CSMD3: variants seen among roughly 807,000 people sequenced by gnomAD.
CSMD3 encodes CUB and sushi domain-containing protein 3.
In CSMD3, 177 loss-of-function variants were observed where a neutral mutation model predicts 435.2. That is an observed-to-expected ratio of 0.41 (90% CI 0.36 to 0.46). The LOEUF is 0.46. Among genes scored for constraint, CSMD3 ranks in the 20% least tolerant of loss-of-function variants. The pLI is 0.34. For missense variants in CSMD3, 4,265 were observed against 4,504.6 expected (o/e 0.95, Z 1.52); for synonymous variants, 1,656 against 1,520.5 (o/e 1.09, Z -2.07).
At chr8:112,938,968 A>G (rs1372110025) in intron 9 of CSMD3, among the ~76,000 whole-genome samples, 1 of 152,134 alleles carries the variant, frequency 6.6e-6, no homozygotes, top group Non-Finnish European at 1.5e-5. Context: ...AATACATTTA[A>G]AAAATAATGG....
chr8:112,941,007 A>G (rs2083435436), intron 9 of CSMD3, among the ~76,000 whole-genome samples: 1 of 151,820 alleles, frequency 6.6e-6, no homozygotes, highest in African/African-American at 2.4e-5. Context: ...TCTTGCACTT[A>G]GAAAAGTTTC....
chr8:112,294,343 AC>A (rs1449986057), intron 54 of CSMD3, among the ~76,000 whole-genome samples: 1 of 152,108 alleles, frequency 6.6e-6, no homozygotes, highest in Non-Finnish European at 1.5e-5. Context: ...TTTATCTGAC[AC>A]TTCCAAAATC....
chr8:113,102,547 AG>A (rs538106763), intron 4 of CSMD3, among the ~76,000 whole-genome samples: 204 of 152,300 alleles, frequency 1.3e-3, no homozygotes, highest in African/African-American at 4.8e-3. Flanking sequence ...CCTATGAAGA[AG>A]GAACATTTAG....
At chr8:112,974,498 A>G (rs1224567283) in intron 7 of CSMD3, among the ~76,000 whole-genome samples, 1 of 151,852 alleles carries the variant, frequency 6.6e-6, no homozygotes, top group African/African-American at 2.4e-5. Context: ...TTTTAATATA[A>G]TTTTACCTAT....
In CSMD3 at chr8:112,884,119, A is replaced by C. The variant is rs1387480074; in HGVS notation, c.1634-24853T>G. 3.3e-5 allele frequency among the ~76,000 whole-genome samples: 5 copies of C among 151,900 alleles called. No homozygotes were observed. In the East Asian group the frequency reaches 9.7e-4, roughly 30 times the overall value. ...GGTGTTTTAACCTGGACACAGTAAA[A>C]CAGTGCTTTAGAAGTCAAGAAACAG... On this transcript the variant is annotated intron_variant, in intron 10 of 70. Transcript: ENST00000297405.
At chr8:113,241,965 A>G (rs1408145094) in intron 3 of CSMD3, among the ~76,000 whole-genome samples, 2 of 151,274 alleles carry the variant, frequency 1.3e-5, no homozygotes, top group African/African-American at 4.8e-5. Context: ...ATATATACAC[A>G]CACAATTTTA....
intron 10 of CSMD3, among the ~76,000 whole-genome samples, chr8:112,895,527 C>T (rs947120774): frequency 6.6e-6 from 1 of 151,218 alleles, no homozygotes; most frequent in Admixed American, 6.6e-5. Context: ...TTTTAAAATA[C>T]ACATAAAGGA....
At chr8:112,842,965 C>T (rs1805870749) in intron 11 of CSMD3, among the ~76,000 whole-genome samples, 2 of 151,538 alleles carry the variant, frequency 1.3e-5, no homozygotes, top group Admixed American at 1.3e-4. Flanking sequence ...AATTGCAATC[C>T]ATAATTTTAT....
chr8:112,341,575 T>G lies in CSMD3; in HGVS notation c.6554A>C (p.Gln2185Pro). The G allele has an allele frequency of 6.2e-7, 1 of 1,612,888 alleles. No homozygotes were observed. Among genetic ancestry groups the G allele is most frequent in the South Asian group, 1.1e-5 (1 of 91,058 alleles). ...STVIGRLSGP[Q>P]IPSSLFSTTH... Reference sequence around the variant, plus strand: ...GGTGCTGAATAAGGAAGATGGTATTTGAGGACCACTAAGCCGGCCAATAAC... The same window carrying G: ...GGTGCTGAATAAGGAAGATGGTATTGGAGGACCACTAAGCCGGCCAATAAC... Residue 2185 changes from glutamine to proline, a missense_variant, in exon 42 of 71, where the codon CAA becomes CCA. Physicochemically the swap from Gln to Pro is moderately conservative, Grantham distance 76 (BLOSUM62 -1). Around this residue, in one of 3 missense-constraint regions of CSMD3, gnomAD observed 3,255 missense variants for 3,380.2 expected, o/e 0.96. Transcript: ENST00000297405.
chr8:112,380,782 C>G (rs1360959226), intron 37 of CSMD3, among the ~76,000 whole-genome samples: 1 of 152,022 alleles, frequency 6.6e-6, no homozygotes, highest in African/African-American at 2.4e-5. Context: ...TTCAGTATTC[C>G]GTGCACAAGC....
At chr8:112,918,095 G>A (rs931830995) in intron 10 of CSMD3, among the ~76,000 whole-genome samples, 32 of 151,632 alleles carry the variant, frequency 2.1e-4, no homozygotes, top group Non-Finnish European at 4.1e-4. Context: ...TTGTGTTTAC[G>A]CCTTATAAAT....
chr8:113,246,501 T>C (rs1200416361), intron 3 of CSMD3, among the ~76,000 whole-genome samples: 1 of 152,178 alleles, frequency 6.6e-6, no homozygotes, highest in African/African-American at 2.4e-5. Context: ...TCTTTAGATA[T>C]AATTTCCTTT....
intron 1 of CSMD3, among the ~76,000 whole-genome samples, chr8:113,336,048 A>G (rs1294618068): frequency 6.6e-6 from 1 of 152,024 alleles, no homozygotes; most frequent in Non-Finnish European, 1.5e-5. Context: ...AATTCCAATG[A>G]CACAAATTTT....
At position 112,341,621 on chromosome 8, in the gene CSMD3, C is replaced by T. The variant is rs963910114; in HGVS notation, c.6508G>A (p.Gly2170Arg). 1.2e-6 allele frequency: 2 copies of T among 1,613,102 alleles called. No individual in the cohort carries two copies. Among genetic ancestry groups the T allele is most frequent in the Non-Finnish European group, 1.7e-6 (2 of 1,179,296 alleles). ...TIHDYLEVRS[G>R]SSETSTVIGR... ...ATAACAGTACTAGTTTCTGAGGATC[C>T]ACTTCGTACTTCCAAATAATCATGT... Residue 2170 changes from glycine to arginine, a missense_variant, in exon 42 of 71, where the codon GGA (glycine) becomes AGA (arginine). Transcript: ENST00000297405.
rs144741058 is a variant in CSMD3 at position 112,411,122 on chromosome 8, CTTT to C, written c.5396-2093_5396-2091del. Among the ~76,000 whole-genome samples, 835 of 136,472 alleles carry C rather than the reference CTTT, an allele frequency of 6.1e-3. 26 individuals are homozygous for C. The East Asian group carries it at 0.1, about 17-fold the overall frequency. 89.5% of individuals were successfully genotyped at this position (136,472 alleles called of 152,430 possible). On this transcript the variant is annotated intron_variant, in intron 32 of 70. Transcript: ENST00000297405. ...TGAGGAAAAAGAAAAAAAAATTCATCTTTTTTTTTTTTTTTTTGCCTTTAGGCC... is the reference window on the plus strand; with the variant it reads ...TGAGGAAAAAGAAAAAAAAATTCATCTTTTTTTTTTTTTTGCCTTTAGGCC...
At chr8:113,264,126 A>C (rs940339341) in intron 3 of CSMD3, among the ~76,000 whole-genome samples, 1 of 151,388 alleles carries the variant, frequency 6.6e-6, no homozygotes, top group African/African-American at 2.4e-5. Context: ...TAATAGTATG[A>C]AATTATTTTT....
At chr8:112,587,948 T>C (rs4599841) in intron 22 of CSMD3, among the ~76,000 whole-genome samples, 86,961 of 151,488 alleles carry the variant, frequency 0.57, 25,466 homozygotes, top group African/African-American at 0.68. Flanking sequence ...TCTAAACATT[T>C]AGGAAAATGT....
intron 40 of CSMD3, among the ~76,000 whole-genome samples, 194 bp downstream of exon 40, chr8:112,350,981 T>C (rs562506500): frequency 4.6e-5 from 7 of 151,792 alleles, no homozygotes; most frequent in African/African-American, 1.4e-4. Flanking sequence ...AATTTTAAAT[T>C]AAAAAAAAGA....
chr8:112,955,996 G>C (rs1253997531), intron 7 of CSMD3, among the ~76,000 whole-genome samples: 1 of 151,848 alleles, frequency 6.6e-6, no homozygotes, highest in Non-Finnish European at 1.5e-5. Flanking sequence ...AAGTAGGATA[G>C]TAGAGAAAGG....
Sources: gnomAD v4.1 joint callset for allele counts (sites outside exome capture counted in the v4.1 genomes callset) on GRCh38, gnomAD v4.1.1 for gene constraint, gnomAD v4.1.1 regional missense constraint, MANE v1.5 for transcripts, NCBI Gene and HGNC (gene_info 2026-07-23, HGNC 2026-07-21) for gene names.